The following UNC5D variants were observed in gnomAD, a reference collection of about 807,000 sequenced individuals.
UNC5D encodes unc-5 netrin receptor D.
In UNC5D, 39 loss-of-function variants were observed where a neutral mutation model predicts 105.4. The ratio of observed to expected loss-of-function variants is 0.37; its 90% CI spans 0.29 to 0.48. The LOEUF is 0.48. UNC5D is among the 20% of genes least tolerant of loss of function. UNC5D has a pLI of 0.98. For missense variants in UNC5D, 991 were observed against 1,202.4 expected (o/e 0.82, Z 2.60); for synonymous variants, 452 against 450.4 (o/e 1.00, Z -0.04).
chr8:35,743,654 A>G (rs1414709927), intron 11 of UNC5D, among the ~76,000 whole-genome samples: 6 of 152,104 alleles, frequency 3.9e-5, no homozygotes, highest in Non-Finnish European at 5.9e-5. Context: ...TTGCAATAAT[A>G]TCAAGAATTC....
Position 35,759,449 on chromosome 8 carries a change from A to G in UNC5D, c.2293A>G (p.Lys765Glu). The G allele has an allele frequency of 1.2e-6, 2 of 1,613,846 alleles. No homozygotes were observed. The highest frequency in any genetic ancestry group is 1.1e-5 in the South Asian group (1 of 91,004). Reference protein sequence around the residue: ...LDIPPFLWRIKPFTACQEVPF... With the variant: ...LDIPPFLWRIEPFTACQEVPF... ...TATTCCCCCATTCCTCTGGAGAATT[A>G]AACCATTCACTGCCTGCCAGGTACT... The change falls in exon 14 of 17, where the codon AAA becomes GAA. Residue 765 changes from lysine to glutamate, a missense_variant. By Grantham distance (56) the Lys-to-Glu change is moderately conservative. This residue lies in a region of UNC5D where 944 missense variants were observed against 1,131.6 expected (regional missense o/e 0.83). Transcript: ENST00000404895.
intron 1 of UNC5D, among the ~76,000 whole-genome samples, chr8:35,272,688 G>T (rs1278208583): frequency 6.6e-6 from 1 of 152,178 alleles, no homozygotes; most frequent in Non-Finnish European, 1.5e-5. Flanking sequence ...ACTCAGGGGT[G>T]CTGTAGGACT....
chr8:35,655,119 T>G (rs1823649218), intron 4 of UNC5D, among the ~76,000 whole-genome samples: 1 of 152,234 alleles, frequency 6.6e-6, no homozygotes, highest in Non-Finnish European at 1.5e-5. Context: ...TAGAATTTTC[T>G]TCCAACCTGC....
At chr8:35,486,003 C>G (rs147261410) in intron 1 of UNC5D, among the ~76,000 whole-genome samples, 3 of 152,234 alleles carry the variant, frequency 2.0e-5, no homozygotes, top group African/African-American at 2.4e-5. Flanking sequence ...GTCTAGCTGA[C>G]TATTTCCTAA....
At chr8:35,378,223 C>CT (rs1177579074) in intron 1 of UNC5D, among the ~76,000 whole-genome samples, 2 of 152,172 alleles carry the variant, frequency 1.3e-5, no homozygotes, top group African/African-American at 4.8e-5. Flanking sequence ...TTCAATACCT[C>CT]TCCTTTCTAA....
At chr8:35,243,175 A>G (rs1585395802) in intron 1 of UNC5D, among the ~76,000 whole-genome samples, 1 of 152,068 alleles carries the variant, frequency 6.6e-6, no homozygotes, top group Non-Finnish European at 1.5e-5. Flanking sequence ...CTTGTTTTCT[A>G]TTTTCAATAT....
intron 8 of UNC5D, among the ~76,000 whole-genome samples, chr8:35,713,209 A>C (rs1828062592): frequency 6.6e-6 from 1 of 152,218 alleles, no homozygotes; most frequent in African/African-American, 2.4e-5. Flanking sequence ...GACACAAGTA[A>C]GTGATAAACT....
At chr8:35,321,841 T>C (rs1356361200) in intron 1 of UNC5D, among the ~76,000 whole-genome samples, 1 of 152,176 alleles carries the variant, frequency 6.6e-6, no homozygotes, top group Non-Finnish European at 1.5e-5. Context: ...TTTCTTTCTC[T>C]GTCTCCATCA....
chr8:35,793,374 C>A lies in UNC5D; in HGVS notation c.*2811C>A. 1 of 202,588 alleles carries A rather than the reference C, an allele frequency of 4.9e-6. No individual in the cohort carries two copies. Among genetic ancestry groups the A allele is most frequent in the Non-Finnish European group, 1.0e-5 (1 of 96,726 alleles). The allele number at this position is 202,588 out of a possible 1,614,324, so 12.5% of individuals were successfully genotyped here. A position where few individuals can be genotyped will look rare whatever the true frequency, so the allele number is the denominator to read the frequency against. ...CTATTGTAATATGTGCCTGTCACAA[C>A]ACAAATACCCCTCTTGAAAGAGATT... On this transcript the variant is annotated 3_prime_UTR_variant, in exon 17 of 17. Transcript: ENST00000404895.
intron 1 of UNC5D, among the ~76,000 whole-genome samples, chr8:35,490,353 A>G (rs1811128932): frequency 1.3e-5 from 2 of 152,130 alleles, no homozygotes; most frequent in Non-Finnish European, 2.9e-5. Flanking sequence ...TTTTTTTAAA[A>G]TTATCCATCT....
chr8:35,683,222 A>G (rs1825786827), intron 4 of UNC5D, among the ~76,000 whole-genome samples: 4 of 152,180 alleles, frequency 2.6e-5, no homozygotes, highest in Admixed American at 2.6e-4. Context: ...CATCATCATC[A>G]TGAACGTTGT....
intron 13 of UNC5D, among the ~76,000 whole-genome samples, chr8:35,755,555 C>T (rs73578206): frequency 0.025 from 3,803 of 151,684 alleles, 158 homozygotes; most frequent in African/African-American, 0.087. Flanking sequence ...TTTTAGTATC[C>T]CTGAAGCACA....
At chr8:35,601,908 C>T (rs949908397) in intron 4 of UNC5D, among the ~76,000 whole-genome samples, 6 of 152,128 alleles carry the variant, frequency 3.9e-5, no homozygotes, top group Admixed American at 3.3e-4. Context: ...AGTTTTTGTC[C>T]ATTCAGTGTG....
At chr8:35,410,755 T>C (rs1255056131) in intron 1 of UNC5D, among the ~76,000 whole-genome samples, 1 of 152,084 alleles carries the variant, frequency 6.6e-6, no homozygotes, top group Non-Finnish European at 1.5e-5. Context: ...AAAGAGATTA[T>C]GTAACTTGCC....
At chr8:35,744,522 T>C (rs1829911197) in intron 11 of UNC5D, among the ~76,000 whole-genome samples, 1 of 152,216 alleles carries the variant, frequency 6.6e-6, no homozygotes, top group Non-Finnish European at 1.5e-5. Flanking sequence ...AGTTTTCCCT[T>C]CTCATTGATT....
At chr8:35,512,528 C>CAG (rs1812803556) in intron 1 of UNC5D, among the ~76,000 whole-genome samples, 1 of 30,446 alleles carries the variant, frequency 3.3e-5, no homozygotes. Flanking sequence ...ATTATATATT[C>CAG]AGATATGTAT....
At chr8:35,261,076 G>A (rs1164030246) in intron 1 of UNC5D, among the ~76,000 whole-genome samples, 2 of 152,214 alleles carry the variant, frequency 1.3e-5, no homozygotes, top group African/African-American at 2.4e-5. Context: ...AATATTCTGA[G>A]TGGTAGAGTT....
At chr8:35,666,802 C>T (rs2131257977) in intron 4 of UNC5D, among the ~76,000 whole-genome samples, 1 of 152,244 alleles carries the variant, frequency 6.6e-6, no homozygotes, top group Non-Finnish European at 1.5e-5. Flanking sequence ...GCATGGTCAA[C>T]TGAAGTACCT....
intron 3 of UNC5D, among the ~76,000 whole-genome samples, chr8:35,568,696 A>G (rs1389623294): frequency 6.6e-6 from 1 of 152,230 alleles, no homozygotes; most frequent in Non-Finnish European, 1.5e-5. Flanking sequence ...CCATCTCAAA[A>G]CATAAATAAA....
Sources: gnomAD v4.1 joint callset for allele counts (sites outside exome capture counted in the v4.1 genomes callset) on GRCh38, gnomAD v4.1.1 for gene constraint, gnomAD v4.1.1 regional missense constraint, MANE v1.5 for transcripts, NCBI Gene and HGNC (gene_info 2026-07-23, HGNC 2026-07-21) for gene names.